The following CFAP90 variants were observed in gnomAD, a reference collection of about 807,000 sequenced individuals.
The protein encoded by CFAP90 is cilia- and flagella-associated protein 90.
chr5:7,837,735 C>T, the CFAP90 span, among the ~76,000 whole-genome samples: 4 of 152,136 alleles, frequency 2.6e-5, no homozygotes, highest in South Asian at 4.1e-4. Context: ...CTCAATGAGC[C>T]GTCTAGTAAG....
At chr5:7,849,965 TC>T in the CFAP90 span, among the ~76,000 whole-genome samples, 2 of 151,360 alleles carry the variant, frequency 1.3e-5, no homozygotes, top group Non-Finnish European at 2.9e-5. Flanking sequence ...CGCGACCCCC[TC>T]CAGACCCTGG....
At chr5:7,845,235 T>A in the CFAP90 span, among the ~76,000 whole-genome samples, 1 of 152,140 alleles carries the variant, frequency 6.6e-6, no homozygotes, top group African/African-American at 2.4e-5. Context: ...TCCCACCAGG[T>A]CCCTGCATCA....
chr5:7,836,362 T>G, the CFAP90 span, among the ~76,000 whole-genome samples: 1 of 152,192 alleles, frequency 6.6e-6, no homozygotes, highest in Admixed American at 6.5e-5. Flanking sequence ...TTTAAGTCGC[T>G]AGTGCAGGAG....
chr5:7,837,401 T>A, the CFAP90 span, among the ~76,000 whole-genome samples: 1 of 152,160 alleles, frequency 6.6e-6, no homozygotes, highest in Non-Finnish European at 1.5e-5. Context: ...GAGCATTAGG[T>A]CTCTAGCTTA....
chr5:7,845,403 T>C, the CFAP90 span, among the ~76,000 whole-genome samples: 6 of 152,336 alleles, frequency 3.9e-5, no homozygotes, highest in African/African-American at 1.4e-4. Flanking sequence ...AGTCAGCTTC[T>C]GTCCCCAACA....
At chr5:7,841,279 T>C in the CFAP90 span, among the ~76,000 whole-genome samples, 2 of 152,316 alleles carry the variant, frequency 1.3e-5, no homozygotes, top group East Asian at 1.9e-4. Flanking sequence ...CACGATGAGA[T>C]ACCATCTCAT....
At chr5:7,834,432 TA>T in the CFAP90 span, among the ~76,000 whole-genome samples, 3 of 152,304 alleles carry the variant, frequency 2.0e-5, no homozygotes, top group East Asian at 5.8e-4. Flanking sequence ...TTAAAAAGTT[TA>T]TAAGGTTAAG....
chr5:7,832,141 T>G, the CFAP90 span: 15 of 1,054,242 alleles, frequency 1.4e-5, no homozygotes, highest in Non-Finnish European at 1.9e-5. Flanking sequence ...GGTCCCACCA[T>G]GGTAGACCAA....
the CFAP90 span, among the ~76,000 whole-genome samples, chr5:7,840,246 A>G: frequency 2.0e-5 from 3 of 152,144 alleles, no homozygotes; most frequent in African/African-American, 7.2e-5. Flanking sequence ...TTGATCACCT[A>G]CCCTCAGTTT....
At chr5:7,841,760 G>C in the CFAP90 span, among the ~76,000 whole-genome samples, 8 of 152,138 alleles carry the variant, frequency 5.3e-5, no homozygotes, top group Admixed American at 5.2e-4. Context: ...TTACTTACAA[G>C]TGAGGGCTAA....
At chr5:7,839,076 A>G in the CFAP90 span, among the ~76,000 whole-genome samples, 29 of 152,382 alleles carry the variant, frequency 1.9e-4, no homozygotes, top group Non-Finnish European at 3.2e-4. Context: ...GGCACTTCTT[A>G]CATGGTGGCA....
chr5:7,850,999 G>C, the CFAP90 span: 3 of 1,283,840 alleles, frequency 2.3e-6, no homozygotes, highest in Non-Finnish European at 3.0e-6. Context: ...GGACGCGGTG[G>C]TCTCCTCCTC....
At chr5:7,850,747 G>T in the CFAP90 span, 1 of 971,014 alleles carries the variant, frequency 1.0e-6, no homozygotes, top group Non-Finnish European at 1.3e-6. Flanking sequence ...CCGCTGGGGT[G>T]ATCCCTTCTC....
the CFAP90 span, among the ~76,000 whole-genome samples, chr5:7,840,111 A>G: frequency 6.6e-6 from 1 of 152,134 alleles, no homozygotes; most frequent in South Asian, 2.1e-4. Flanking sequence ...AATTGTCTCT[A>G]TTTCACAGAT....
chr5:7,833,509 G>A, the CFAP90 span, among the ~76,000 whole-genome samples: 3 of 151,628 alleles, frequency 2.0e-5, no homozygotes, highest in Admixed American at 6.6e-5. Context: ...ATACACACAT[G>A]CATATACACA....
chr5:7,833,537 AT>A, the CFAP90 span, among the ~76,000 whole-genome samples: 1 of 152,174 alleles, frequency 6.6e-6, no homozygotes, highest in African/African-American at 2.4e-5. Flanking sequence ...GCACACATAT[AT>A]ACACACAGGT....
the CFAP90 span, chr5:7,851,059 C>T: frequency 8.1e-7 from 1 of 1,235,994 alleles, no homozygotes; most frequent in Non-Finnish European, 1.0e-6. Context: ...GGCCGCGGTC[C>T]GTCCCGCCCG....
At chr5:7,831,675 C>G in the CFAP90 span, 1 of 580,860 alleles carries the variant, frequency 1.7e-6, no homozygotes, top group Non-Finnish European at 3.0e-6. Flanking sequence ...AACCCAGCAA[C>G]CTGAGGGGGG....
the CFAP90 span, among the ~76,000 whole-genome samples, chr5:7,841,151 C>A: frequency 2.0e-5 from 3 of 151,780 alleles, no homozygotes; most frequent in East Asian, 1.9e-4. Context: ...GAAAAAAAAA[C>A]CCCGTTAAAA....
Sources: gnomAD v4.1 joint callset for allele counts (sites outside exome capture counted in the v4.1 genomes callset) on GRCh38, gnomAD v4.1.1 for gene constraint, MANE v1.5 for transcripts, NCBI Gene and HGNC (gene_info 2026-07-23, HGNC 2026-07-21) for gene names.